Variants in ZFP30 observed in about 807,000 individuals in gnomAD.
ZFP30 encodes the protein ZFP30 zinc finger protein.
A neutral mutation model predicts 12.3 loss-of-function variants in ZFP30; 16 were observed. The observed-to-expected ratio is 1.30, with a 90% CI of 0.88 to 1.98. ZFP30 has a LOEUF of 1.98. ZFP30 is among the 30% of genes most tolerant of loss of function. The pLI is 0.00. For missense variants in ZFP30, 560 were observed against 611.2 expected (o/e 0.92, Z 0.88); for synonymous variants, 172 against 201.0 (o/e 0.86, Z 1.22).
chr19:37,638,220 C>T (rs572698069), intron 5 of ZFP30, among the ~76,000 whole-genome samples: 4 of 152,286 alleles, frequency 2.6e-5, no homozygotes, highest in South Asian at 2.1e-4. Context: ...CCCCCTTTCA[C>T]GACCAAGGTA....
rs753346679 is a variant in ZFP30 at position 37,643,251 on chromosome 19, T to C, written c.235+14A>G. ...CATGCCATAATGGCTGACCTCTGCC[T>C]GATCAGCACTTACCTAGAGTCCATC... On this transcript the variant is annotated intron_variant, in intron 5 of 5. Transcript: ENST00000684514. 1 of 1,605,190 alleles carries C rather than the reference T, an allele frequency of 6.2e-7. No homozygotes were observed. Among genetic ancestry groups the C allele is most frequent in the Admixed American group, 1.7e-5 (1 of 59,158 alleles).
chr19:37,635,850 C>A lies in ZFP30; in HGVS notation c.691G>T (p.Val231Leu), dbSNP rs981567520. 1 of 1,614,012 alleles carries A rather than the reference C, an allele frequency of 6.2e-7. No homozygotes were observed. The highest frequency in any genetic ancestry group is 8.5e-7 in the Non-Finnish European group (1 of 1,180,046). Residue 231 changes from valine (V) to leucine (L), a missense_variant, in exon 6 of 6, where the codon GTA becomes TTA. Val to Leu is a conservative substitution (Grantham distance 32). Transcript: ENST00000684514. ...TCACCAATATGAATTCTCTGATGTA[C>A]TCGAAGGTCTGAGCCACATGTGAAG... is the stretch of plus-strand genomic sequence containing the variant. The part of the protein sequence containing the change: ...KIFTCGSDLR[V>L]HQRIHIGEKP...
chr19:37,636,125 T>C lies in ZFP30; in HGVS notation c.416A>G (p.Tyr139Cys), dbSNP rs1383312819. Reference sequence around the variant, plus strand: ...CAGAGGAAGAGATGTGAGTTTTCTGTAAGTAGGCATTTTTTCAGAGGTGGT... The same window carrying C: ...CAGAGGAAGAGATGTGAGTTTTCTGCAAGTAGGCATTTTTTCAGAGGTGGT... ...TKTTSEKMPT[Y>C]RKLTSLPLYQ... The change falls in exon 6 of 6, where the codon TAC becomes TGC. Residue 139 changes from tyrosine (Y) to cysteine (C), a missense_variant. Tyr to Cys is a radical substitution (Grantham distance 194, BLOSUM62 -2). Transcript: ENST00000684514. 6.2e-7 allele frequency: 1 copy of C among 1,614,204 alleles called. No individual in the cohort carries two copies. Among genetic ancestry groups the C allele is most frequent in the East Asian group, 2.2e-5 (1 of 44,874 alleles).
intron 5 of ZFP30, among the ~76,000 whole-genome samples, chr19:37,637,802 G>C (rs1267542361): frequency 6.6e-6 from 1 of 152,054 alleles, no homozygotes; most frequent in African/African-American, 2.4e-5. Context: ...ATTTCTTGCT[G>C]AACACTTTTC....
chr19:37,632,713 C>A lies in ZFP30; in HGVS notation c.*2268G>T, dbSNP rs576546485. On this transcript the variant is annotated 3_prime_UTR_variant, in exon 6 of 6. Transcript: ENST00000684514. ...TAAGTCTTCAGAATCTTGTGTTTTA[C>A]AAAAAAACACCATTTGAATTTGGAC... The A allele has an allele frequency of 6.6e-6, 1 of 152,020 alleles. No individual in the cohort carries two copies. Among genetic ancestry groups the A allele is most frequent in the East Asian group, 1.9e-4 (1 of 5,180 alleles). 9.4% of individuals were successfully genotyped at this position (152,020 alleles called of 1,614,324 possible).
At chr19:37,638,177 A>G (rs1481616257) in intron 5 of ZFP30, among the ~76,000 whole-genome samples, 4 of 152,180 alleles carry the variant, frequency 2.6e-5, no homozygotes, top group Admixed American at 6.5e-5. Flanking sequence ...CTGCAGTTCA[A>G]TTCCTACTTT....
At chr19:37,650,865 G>T (rs1364666691) in intron 2 of ZFP30, among the ~76,000 whole-genome samples, 1 of 151,752 alleles carries the variant, frequency 6.6e-6, no homozygotes, top group African/African-American at 2.4e-5. Context: ...AGCCTCCCGA[G>T]TAGCTGGGAT....
rs1191627443 is a variant in ZFP30 at position 37,631,544 on chromosome 19, G to A, written c.*3437C>T. ...ATACAGTTCATAATGGATGACCACG[G>A]TGAAATCACCGAAGTCCAACTGATG... On this transcript the variant is annotated 3_prime_UTR_variant, in exon 6 of 6. Coordinates refer to ENST00000684514, the MANE Select transcript of ZFP30 (RefSeq NM_001320669.3). 2 of 152,034 alleles carry A rather than the reference G, an allele frequency of 1.3e-5. No homozygotes were observed. Among genetic ancestry groups the A allele is most frequent in the Non-Finnish European group, 2.9e-5 (2 of 68,000 alleles). The allele number at this position is 152,034 out of a possible 1,614,324, so 9.4% of individuals were successfully genotyped here.
intron 2 of ZFP30, among the ~76,000 whole-genome samples, chr19:37,649,862 A>C (rs2044614810): frequency 6.6e-6 from 1 of 152,090 alleles, no homozygotes; most frequent in African/African-American, 2.4e-5. Context: ...AAGAAAAATA[A>C]ACACCCATTA....
At chr19:37,649,944 G>A (rs1196329113) in intron 2 of ZFP30, among the ~76,000 whole-genome samples, 1 of 152,148 alleles carries the variant, frequency 6.6e-6, no homozygotes, top group East Asian at 1.9e-4. Context: ...GAAGAAGACA[G>A]GTTAGAAAAT....
At position 37,632,010 on chromosome 19, in the gene ZFP30, C is replaced by T. The variant is rs2044241314; in HGVS notation, c.*2971G>A. The stretch of plus-strand genomic sequence containing the variant: ...AGAATAGTATGTTGGAAAAATTTAG[C>T]AATTACCAATTCTTCAAAGATTTTA... On this transcript the variant is annotated 3_prime_UTR_variant, in exon 6 of 6. Transcript: ENST00000684514. The T allele has an allele frequency of 6.6e-6, 1 of 151,756 alleles. No homozygotes were observed. Among genetic ancestry groups the T allele is most frequent in the African/African-American group, 2.4e-5 (1 of 41,340 alleles). 9.4% of individuals were successfully genotyped at this position (151,756 alleles called of 1,614,324 possible).
At chr19:37,646,660 C>T (rs1321144051) in intron 3 of ZFP30, among the ~76,000 whole-genome samples, 1 of 152,174 alleles carries the variant, frequency 6.6e-6, no homozygotes, top group Non-Finnish European at 1.5e-5. Context: ...ACTGCAGCCT[C>T]GAACTCCTGG....
At chr19:37,651,739 AGTTGATCAAGTC>A (rs1198667726) in intron 2 of ZFP30, among the ~76,000 whole-genome samples, 1 of 152,230 alleles carries the variant, frequency 6.6e-6, no homozygotes, top group Non-Finnish European at 1.5e-5. Flanking sequence ...TGAGGTGAAA[AGTTGATCAAGTC>A]ATAGGAGCCA....
chr19:37,653,240 A>G (rs945435099), intron 2 of ZFP30, among the ~76,000 whole-genome samples: 3 of 152,234 alleles, frequency 2.0e-5, no homozygotes, highest in South Asian at 2.1e-4. Flanking sequence ...TGAGTATTGT[A>G]TCTCATCAAG....
At chr19:37,641,494 G>A (rs1249175506) in intron 5 of ZFP30, among the ~76,000 whole-genome samples, 1 of 152,082 alleles carries the variant, frequency 6.6e-6, no homozygotes, top group Admixed American at 6.5e-5. Context: ...TAGACAGAAC[G>A]GCATAATAAT....
Position 37,653,091 on chromosome 19 carries a change from C to T in ZFP30, c.-78+1621G>A, listed in dbSNP as rs376729275. On this transcript the variant is annotated intron_variant, in intron 2 of 5. Coordinates refer to ENST00000684514, the MANE Select transcript of ZFP30 (RefSeq NM_001320669.3). ...GAGATTTCGGCATTGCACTCCAACC[C>T]GGGCAACAAAATCGAAAACTCCGTC... is the stretch of plus-strand genomic sequence containing the variant. Among the ~76,000 whole-genome samples the T allele has an allele frequency of 7.5e-4, 107 of 142,338 alleles. 1 individual carries two copies. In the South Asian group the frequency reaches 0.02, roughly 27 times the overall value. The allele number at this position is 142,338 out of a possible 152,430, so 93.4% of individuals were successfully genotyped here.
chr19:37,649,614 A>G (rs149606470), intron 2 of ZFP30, among the ~76,000 whole-genome samples: 128 of 152,196 alleles, frequency 8.4e-4, no homozygotes, highest in South Asian at 2.3e-3. Context: ...TGACCGCTTA[A>G]TAAGTCCAGG....
chr19:37,648,115 C>T (rs1195147788), intron 2 of ZFP30, among the ~76,000 whole-genome samples: 8 of 152,182 alleles, frequency 5.3e-5, no homozygotes, highest in Non-Finnish European at 5.9e-5. Flanking sequence ...AGAGACTCTG[C>T]GGCATCAAAG....
In ZFP30 at chr19:37,636,012, G is replaced by C. The variant is rs147735317; in HGVS notation, c.529C>G (p.Gln177Glu). 7.8e-4 allele frequency: 1,254 copies of C among 1,614,138 alleles called. No individual in the cohort carries two copies. Among genetic ancestry groups the C allele is most frequent in the Admixed American group, 1.4e-3 (85 of 60,028 alleles). ...GGTTTCTCACCAGTATGAATTCTTT[G>C]ATGGAAAGTAAGTTGTTGTCGTACT... is the stretch of plus-strand genomic sequence containing the variant. ...FRVRQQLTFHQRIHTGEKPYE... is the reference protein window; with the variant it reads ...FRVRQQLTFHERIHTGEKPYE... The change falls in exon 6 of 6, where the codon CAA (glutamine) becomes GAA (glutamate). Residue 177 changes from glutamine (Q) to glutamate (E), a missense_variant. Physicochemically the swap from Gln to Glu is conservative, Grantham distance 29. Coordinates refer to ENST00000684514, the MANE Select transcript of ZFP30 (RefSeq NM_001320669.3).
Sources: allele counts gnomAD v4.1 joint callset (sites outside exome capture counted in the v4.1 genomes callset), GRCh38; gene constraint gnomAD v4.1.1; transcripts MANE v1.5; gene names NCBI Gene and HGNC (gene_info 2026-07-23, HGNC 2026-07-21).